SLC25A26: variants seen among roughly 807,000 people sequenced by gnomAD.
SLC25A26 encodes the protein mitochondrial S-adenosylmethionine carrier protein.
Under a neutral mutation model 37.8 loss-of-function variants are expected in SLC25A26, and 36 were observed. That is an observed-to-expected ratio of 0.95 (90% CI 0.73 to 1.26). SLC25A26 has a LOEUF of 1.26. SLC25A26 is among the 50% of genes most tolerant of loss of function. The pLI is 0.00. For missense variants in SLC25A26, 390 were observed against 331.1 expected, an observed-to-expected ratio of 1.18 and a Z score of -1.38; for synonymous variants, 129 against 122.5, an observed-to-expected ratio of 1.05 and a Z score of -0.35.
chr3:66,146,546 G>C (rs544533222), intron 1 of SLC25A26, among the ~76,000 whole-genome samples: 1 of 151,868 alleles, frequency 6.6e-6, no homozygotes, highest in Non-Finnish European at 1.5e-5. Context: ...TGTACATATG[G>C]GGGGAAGAGA....
At chr3:66,352,647 A>G (rs545119815) in intron 6 of SLC25A26, among the ~76,000 whole-genome samples, 4 of 152,018 alleles carry the variant, frequency 2.6e-5, no homozygotes, top group Admixed American at 2.0e-4. Context: ...TAAATAGTGT[A>G]TATGTCATTA....
At chr3:66,195,264 T>TC (rs1417214262) in intron 1 of SLC25A26, among the ~76,000 whole-genome samples, 1,617 of 152,286 alleles carry the variant, frequency 0.011, 31 homozygotes, top group African/African-American at 0.037. Flanking sequence ...CCCGCTGTAA[T>TC]CCCTTTGACC....
chr3:66,195,458 G>T (rs2071029955), intron 1 of SLC25A26, among the ~76,000 whole-genome samples: 2 of 152,236 alleles, frequency 1.3e-5, no homozygotes, highest in African/African-American at 4.8e-5. Context: ...GGGGAGATCT[G>T]CTGCATCCTC....
At chr3:66,305,816 C>A (rs1001335305) in intron 5 of SLC25A26, among the ~76,000 whole-genome samples, 1 of 151,940 alleles carries the variant, frequency 6.6e-6, no homozygotes, top group Non-Finnish European at 1.5e-5. Flanking sequence ...GAGCATATAC[C>A]CTGTAATGGG....
At chr3:66,284,623 C>CTT (rs1414611663) in intron 5 of SLC25A26, among the ~76,000 whole-genome samples, 97 of 152,214 alleles carry the variant, frequency 6.4e-4, no homozygotes, top group African/African-American at 2.3e-3. Context: ...TGGAATAATA[C>CTT]ACAGTAGTGT....
chr3:66,201,778 T>C (rs2071113519), intron 1 of SLC25A26, among the ~76,000 whole-genome samples: 4 of 152,314 alleles, frequency 2.6e-5, no homozygotes, highest in Admixed American at 2.6e-4. Context: ...GGTTTTAAGC[T>C]CTATCATCAA....
intron 6 of SLC25A26, chr3:66,355,961 A>G (rs1337335521): frequency 2.2e-6 from 1 of 451,736 alleles, no homozygotes; most frequent in Admixed American, 2.4e-5. Flanking sequence ...AATTGAGTAG[A>G]TGATTCTGTG....
At chr3:66,371,157 A>G in intron 9 of SLC25A26, 1 of 1,434,352 alleles carries the variant, frequency 7.0e-7, no homozygotes, top group African/African-American at 1.4e-5. Flanking sequence ...AGCCGCCTGA[A>G]TGTTGAGATC....
chr3:66,285,341 T>C (rs945389936), intron 5 of SLC25A26, among the ~76,000 whole-genome samples: 1 of 151,692 alleles, frequency 6.6e-6, no homozygotes, highest in African/African-American at 2.4e-5. Flanking sequence ...GTGAGTTGTT[T>C]ACCTGAGATA....
upstream of SLC25A26, chr3:66,220,986 C>T (rs2071458163): frequency 1.5e-5 from 18 of 1,199,700 alleles, 1 homozygote; most frequent in Non-Finnish European, 2.0e-5. Context: ...TCACGTGGTC[C>T]CGGAAGTTCA....
chr3:66,152,825 G>GT (rs2070226025), intron 1 of SLC25A26, among the ~76,000 whole-genome samples: 1 of 152,134 alleles, frequency 6.6e-6, no homozygotes, highest in African/African-American at 2.4e-5. Flanking sequence ...TGCCTTGGGT[G>GT]TTTGTACATT....
At chr3:66,263,804 G>T (rs1432833734) in intron 5 of SLC25A26, among the ~76,000 whole-genome samples, 1 of 152,070 alleles carries the variant, frequency 6.6e-6, no homozygotes, top group Non-Finnish European at 1.5e-5. Flanking sequence ...GACCACGGGT[G>T]CCCACCAGCA....
chr3:66,300,258 T>TTTG (rs2107553674), intron 5 of SLC25A26, among the ~76,000 whole-genome samples: 1 of 131,542 alleles, frequency 7.6e-6, no homozygotes, highest in African/African-American at 3.7e-5. Context: ...TTTGTTTTGT[T>TTTG]TTTTTTTTTT....
At chr3:66,215,812 G>C (rs1281291508) in intron 1 of SLC25A26, among the ~76,000 whole-genome samples, 7 of 152,122 alleles carry the variant, frequency 4.6e-5, no homozygotes, top group African/African-American at 1.7e-4. Flanking sequence ...TATTGAAAAT[G>C]ATTCTAACTG....
At chr3:66,201,554 T>G (rs1258947771) in intron 1 of SLC25A26, among the ~76,000 whole-genome samples, 1 of 152,136 alleles carries the variant, frequency 6.6e-6, no homozygotes, top group Non-Finnish European at 1.5e-5. Context: ...CAGGCTGGTC[T>G]AAAACTCCTG....
chr3:66,335,571 C>G (rs1221280105), intron 5 of SLC25A26, among the ~76,000 whole-genome samples: 1 of 152,184 alleles, frequency 6.6e-6, no homozygotes, highest in Non-Finnish European at 1.5e-5. Context: ...GGGTTCTCCC[C>G]TAACTCTTTT....
chr3:66,304,634 C>A, intron 5 of SLC25A26: 1 of 318,708 alleles, frequency 3.1e-6, no homozygotes, highest in South Asian at 2.7e-5. Flanking sequence ...AGGTGTCAGG[C>A]ATTGAGGATT....
chr3:66,225,501 C>T (rs144837846), intron 1 of SLC25A26, among the ~76,000 whole-genome samples: 268 of 152,242 alleles, frequency 1.8e-3, no homozygotes, highest in African/African-American at 6.1e-3. Context: ...CATTTTTTCC[C>T]TCCTAGGCCT....
intron 1 of SLC25A26, among the ~76,000 whole-genome samples, chr3:66,210,541 G>A (rs1319663425): frequency 3.9e-5 from 6 of 151,974 alleles, no homozygotes; most frequent in African/African-American, 1.4e-4. Flanking sequence ...TTGAGATGGG[G>A]GTCTCACTCT....
Sources: gnomAD v4.1 joint callset for allele counts (sites outside exome capture counted in the v4.1 genomes callset) on GRCh38, gnomAD v4.1.1 for gene constraint, MANE v1.5 for transcripts, NCBI Gene and HGNC (gene_info 2026-07-23, HGNC 2026-07-21) for gene names.